FYB2: variants seen among roughly 807,000 people sequenced by gnomAD.
The protein encoded by FYB2 is FYN-binding protein 2.
In FYB2, 103 loss-of-function variants were observed where a neutral mutation model predicts 94.1. The ratio of observed to expected loss-of-function variants is 1.09; its 90% CI spans 0.93 to 1.29. The LOEUF (loss-of-function observed/expected upper bound fraction) is 1.29. Among genes scored for constraint, FYB2 ranks in the 50% most tolerant of loss-of-function variants. FYB2 has a pLI of 0.00. For synonymous variants in FYB2, 293 were observed against 287.9 expected, an observed-to-expected ratio of 1.02 and a Z score of -0.18; for missense variants, 896 against 841.5, an observed-to-expected ratio of 1.06 and a Z score of -0.80.
At chr1:56,771,157 C>T (rs188042586) in intron 4 of FYB2, among the ~76,000 whole-genome samples, 323 of 151,802 alleles carry the variant, frequency 2.1e-3, no homozygotes, top group Non-Finnish European at 3.7e-3. Context: ...TATTTACCTA[C>T]AAATATAGGA....
At chr1:56,798,560 G>A (rs914696409) in intron 1 of FYB2, among the ~76,000 whole-genome samples, 9 of 152,068 alleles carry the variant, frequency 5.9e-5, no homozygotes, top group African/African-American at 2.2e-4. Flanking sequence ...GTTATATTTA[G>A]ATGAATGTAT....
intron 2 of FYB2, among the ~76,000 whole-genome samples, chr1:56,790,311 A>G (rs191521909): frequency 6.6e-6 from 1 of 152,310 alleles, no homozygotes; most frequent in Admixed American, 6.5e-5. Flanking sequence ...CTCGGGCCCA[A>G]AGTTCCTCTC....
chr1:56,770,704 T>C (rs1314279763), intron 4 of FYB2, among the ~76,000 whole-genome samples: 2 of 152,134 alleles, frequency 1.3e-5, no homozygotes, highest in African/African-American at 2.4e-5. Flanking sequence ...ATAAACGCTC[T>C]TCACTAGATT....
At chr1:56,738,676 A>C in intron 13 of FYB2, 23 bp from the exon 14 acceptor site, 2 of 1,609,508 alleles carry the variant, frequency 1.2e-6, no homozygotes, top group Non-Finnish European at 1.7e-6. Context: ...AAAAGACACA[A>C]AAGAGTTAAG....
At chr1:56,823,450 A>G (rs1159138960), upstream of FYB2, among the ~76,000 whole-genome samples, 1 of 152,240 alleles carries the variant, frequency 6.6e-6, no homozygotes, top group Non-Finnish European at 1.5e-5. Flanking sequence ...TAAAATATTT[A>G]AGGATAAAAT....
Position 56,757,687 on chromosome 1 carries a change from C to CTTCCTTCTTTTTTTCTTTCTTTCTTTCT in FYB2, c.1098+1028_1098+1029insAGAAAGAAAGAAAGAAAAAAAGAAGGAA, listed in dbSNP as rs1293394860. ...TCTTTCTTTCCTCTTTCCTTCCTTC[C>CTTCCTTCTTTTTTTCTTTCTTTCTTTCT]TTCTTTCTTTCTTTCTTTCTTTCTT... On this transcript the variant is annotated intron_variant, in intron 6 of 19. Coordinates refer to ENST00000343433, the MANE Select transcript of FYB2 (RefSeq NM_001004303.5). 5.5e-3 allele frequency among the ~76,000 whole-genome samples: 399 copies of CTTCCTTCTTTTTTTCTTTCTTTCTTTCT among 71,932 alleles called. 14 individuals are homozygous for CTTCCTTCTTTTTTTCTTTCTTTCTTTCT. Among genetic ancestry groups the CTTCCTTCTTTTTTTCTTTCTTTCTTTCT allele is most frequent in the Middle Eastern group, 6.8e-3 (1 of 148 alleles). 47.2% of individuals were successfully genotyped at this position (71,932 alleles called of 152,430 possible).
At chr1:56,781,411 C>T (rs938589612) in intron 4 of FYB2, among the ~76,000 whole-genome samples, 3 of 152,150 alleles carry the variant, frequency 2.0e-5, no homozygotes, top group Non-Finnish European at 2.9e-5. Context: ...ATCTTTAATC[C>T]GTCAACTTTT....
intron 1 of FYB2, among the ~76,000 whole-genome samples, chr1:56,810,400 CT>C (rs939693588): frequency 2.1e-5 from 2 of 95,816 alleles, no homozygotes; most frequent in East Asian, 7.0e-4. Context: ...CCTCACTCCC[CT>C]GTTTCCCACC....
At chr1:56,819,242 G>A in intron 1 of FYB2, 40 bp downstream of exon 1, 1 of 1,614,142 alleles carries the variant, frequency 6.2e-7, no homozygotes, top group South Asian at 1.1e-5. Context: ...TGCAAGAAAA[G>A]ACACACAGAA....
chr1:56,762,334 T>C (rs1645516374), intron 5 of FYB2, among the ~76,000 whole-genome samples: 1 of 152,186 alleles, frequency 6.6e-6, no homozygotes, highest in Non-Finnish European at 1.5e-5. Context: ...TTACTGTTAA[T>C]TTTACTGTGT....
At chr1:56,746,138 G>A (rs1032151300) in intron 9 of FYB2, among the ~76,000 whole-genome samples, 21 of 151,308 alleles carry the variant, frequency 1.4e-4, no homozygotes, top group Admixed American at 5.9e-4. Context: ...TTTATTGTCC[G>A]TCTCCTCTGA....
At chr1:56,818,394 G>GCCACAT (rs1646932838) in intron 1 of FYB2, among the ~76,000 whole-genome samples, 1 of 150,710 alleles carries the variant, frequency 6.6e-6, no homozygotes, top group Non-Finnish European at 1.5e-5. Context: ...TGGGTGAGAA[G>GCCACAT]CCACATGATT....
chr1:56,787,216 A>G lies in FYB2; in HGVS notation c.920-8T>C. On this transcript the variant is annotated splice_region_variant and splice_polypyrimidine_tract_variant and intron_variant, in intron 3 of 19. Coordinates refer to ENST00000343433, the MANE Select transcript of FYB2 (RefSeq NM_001004303.5). ...AGCCCTCTTCCACAGTCACTGCAAG[A>G]GAAAGAGGCGGAATGAAAAAGAGGC... is the stretch of plus-strand genomic sequence containing the variant. 1 of 1,613,918 alleles carries G rather than the reference A, an allele frequency of 6.2e-7. No homozygotes were observed. The highest frequency in any genetic ancestry group is 1.1e-5 in the South Asian group (1 of 91,078).
At chr1:56,814,008 G>C (rs1646825338) in intron 1 of FYB2, among the ~76,000 whole-genome samples, 1 of 152,140 alleles carries the variant, frequency 6.6e-6, no homozygotes, top group South Asian at 2.1e-4. Flanking sequence ...TCACAGTCTA[G>C]ACCTGGGTCT....
intron 4 of FYB2, among the ~76,000 whole-genome samples, chr1:56,785,140 A>G (rs548403246): frequency 6.6e-6 from 1 of 152,298 alleles, no homozygotes; most frequent in African/African-American, 2.4e-5. Context: ...CCATGTGGAG[A>G]CTGACTAATG....
intron 4 of FYB2, among the ~76,000 whole-genome samples, chr1:56,782,478 C>A (rs140616771): frequency 6.6e-6 from 1 of 152,018 alleles, no homozygotes; most frequent in Non-Finnish European, 1.5e-5. Flanking sequence ...CTGCCTGACA[C>A]GGGTCCTAGA....
intron 1 of FYB2, among the ~76,000 whole-genome samples, chr1:56,812,415 T>C (rs1935557): frequency 0.35 from 53,138 of 152,134 alleles, 10,565 homozygotes; most frequent in South Asian, 0.53. Flanking sequence ...GAATACTGAT[T>C]CTACTCTGTC....
chr1:56,767,760 G>A lies in FYB2; in HGVS notation c.1063+69C>T, dbSNP rs1049117950. On this transcript the variant is annotated intron_variant, in intron 5 of 19. Coordinates refer to ENST00000343433, the MANE Select transcript of FYB2 (RefSeq NM_001004303.5). ...TTTTAAACTTACAGTTAGCTAAAGG[G>A]AAAATATCATTTTTGACACATTTTC... 56 of 1,214,414 alleles carry A rather than the reference G, an allele frequency of 4.6e-5. No individual in the cohort carries two copies. The Middle Eastern group carries it at 7.5e-4, about 16-fold the overall frequency. The allele number at this position is 1,214,414 out of a possible 1,614,324, so 75.2% of individuals were successfully genotyped here.
upstream of FYB2, among the ~76,000 whole-genome samples, chr1:56,820,831 C>T (rs1008207180): frequency 6.6e-6 from 1 of 152,204 alleles, no homozygotes; most frequent in Non-Finnish European, 1.5e-5. Flanking sequence ...AACACACATA[C>T]ACATCAGCTA....
Sources: allele counts gnomAD v4.1 joint callset (sites outside exome capture counted in the v4.1 genomes callset), GRCh38; gene constraint gnomAD v4.1.1; transcripts MANE v1.5; gene names NCBI Gene and HGNC (gene_info 2026-07-23, HGNC 2026-07-21).